The following IFI6 variants were observed in gnomAD, a reference collection of about 807,000 sequenced individuals.
IFI6 encodes the protein interferon alpha inducible protein 6, also known as interferon alpha-inducible protein 6.
In IFI6, 10 loss-of-function variants were observed where a neutral mutation model predicts 12.7. The observed-to-expected ratio is 0.79, with a 90% CI of 0.49 to 1.33. The LOEUF (loss-of-function observed/expected upper bound fraction) is 1.33. IFI6 is among the 40% of genes most tolerant of loss of function. The probability of loss-of-function intolerance (pLI) is 0.00; values close to 1 mark genes in which losing one functional copy is unlikely to be tolerated. For synonymous variants in IFI6, 89 were observed against 86.2 expected (o/e 1.03, Z -0.18); for missense variants, 154 against 180.4 (o/e 0.85, Z 0.84).
chr1:27,671,762 C>T (rs116774212), intron 1 of IFI6, among the ~76,000 whole-genome samples: 1,998 of 152,178 alleles, frequency 0.013, 18 homozygotes, highest in Non-Finnish European at 0.02. Flanking sequence ...CACATTGGAT[C>T]CTATAATAAA....
chr1:27,668,250 GC>G lies in IFI6; in HGVS notation c.273del (p.Leu92Ter), dbSNP rs753707584. The stretch of plus-strand genomic sequence containing the variant: ...CCGAGGCTCTGCAGCGTGGCCACTA[GC>G]CCCCCGGCGGGCACGCCGCCCCCAT... ...ILNGGGVPAGGLVATLQSLGA... is the reference protein window; with the variant it reads ...ILNGGGVPAGXLVATLQSLGA... On this transcript the variant is annotated frameshift_variant, in exon 4 of 5. Coordinates refer to ENST00000361157, the MANE Select transcript of IFI6 (RefSeq NM_002038.4). LOFTEE classifies it low-confidence loss of function (END_TRUNC). 3.2e-6 allele frequency: 5 copies of G among 1,571,746 alleles called. No homozygotes were observed. Among genetic ancestry groups the G allele is most frequent in the South Asian group, 1.2e-5 (1 of 86,820 alleles).
intron 1 of IFI6, chr1:27,670,453 A>AT (rs111781728): frequency 0.024 from 3,299 of 139,352 alleles, 69 homozygotes; most frequent in African/African-American, 0.058. Context: ...CGCCCAACTA[A>AT]TTTTTTTTTT....
chr1:27,668,863 ACTCT>A (rs1383215063), intron 2 of IFI6, among the ~76,000 whole-genome samples: 1 of 150,880 alleles, frequency 6.6e-6, no homozygotes, highest in East Asian at 1.9e-4. Flanking sequence ...GGACCCTGAA[ACTCT>A]CTCCTTTATC....
intron 1 of IFI6, chr1:27,670,015 A>G (rs915413242): frequency 1.3e-5 from 2 of 152,366 alleles, no homozygotes; most frequent in Admixed American, 6.5e-5. Flanking sequence ...CAAGCAAACA[A>G]TCAGTCCTCT....
rs1462390194 is a variant in IFI6, at chr1:27,668,364, C to A, written c.160G>T (p.Ala54Ser). ...GTGAAGCCCAGCGCGGGCAGCCCGGCGACTGCGAGTCCTGGAGGAACAGGA... is the reference window on the plus strand; with the variant it reads ...GTGAAGCCCAGCGCGGGCAGCCCGGAGACTGCGAGTCCTGGAGGAACAGGA... ...FMAVGGGLAV[A>S]GLPALGFTGA... The change falls in exon 4 of 5, where the codon GCC (alanine) becomes TCC (serine). Residue 54 changes from alanine (A) to serine (S), a missense_variant. Ala to Ser is a moderately conservative substitution (Grantham distance 99). Coordinates refer to ENST00000361157, the MANE Select transcript of IFI6 (RefSeq NM_002038.4). 3 of 1,567,030 alleles carry A rather than the reference C, an allele frequency of 1.9e-6. No individual in the cohort carries two copies. The highest frequency in any genetic ancestry group is 2.3e-5 in the South Asian group (2 of 85,946).
intron 2 of IFI6, among the ~76,000 whole-genome samples, 199 bp downstream of exon 2, chr1:27,669,046 T>C (rs112730044): frequency 0.023 from 37 of 1,616 alleles, no homozygotes; most frequent in South Asian, 0.062. Flanking sequence ...CTTACCTGCA[T>C]CCTTACCCGC....
At chr1:27,669,220 C>A (rs1243263851) in intron 2 of IFI6, 25 bp downstream of exon 2, 9 of 1,551,346 alleles carry the variant, frequency 5.8e-6, no homozygotes, top group African/African-American at 2.7e-5. Context: ...TGTCCCCTTA[C>A]CTGCATCCTT....
Position 27,668,235 on chromosome 1 carries a change from G to A in IFI6, c.289C>T (p.Gln97Ter), listed in dbSNP as rs1346164844. ...VPAGGLVATL[Q>*]SLGAGGSSVV... is the part of the protein sequence containing the mutation. ...CAGGCCCCGCACTCACCGAGGCTCT[G>A]CAGCGTGGCCACTAGCCCCCCGGCG... is the stretch of plus-strand genomic sequence containing the variant. The change falls in exon 4 of 5, where the codon CAG becomes TAG. Residue 97 changes from glutamine to a stop codon, truncating the protein, a stop_gained. Coordinates refer to ENST00000361157, the MANE Select transcript of IFI6 (RefSeq NM_002038.4). LOFTEE classifies it low-confidence loss of function (END_TRUNC). 1.9e-6 allele frequency: 3 copies of A among 1,558,658 alleles called. No homozygotes were observed. The highest frequency in any genetic ancestry group is 2.3e-5 in the East Asian group (1 of 43,234).
In IFI6 at chr1:27,666,203, T is replaced by C. The variant is rs1037628691; in HGVS notation, c.*178A>G. 1.2e-4 allele frequency: 56 copies of C among 454,750 alleles called. No individual in the cohort carries two copies. In the East Asian group the frequency reaches 1.5e-3, roughly 12 times the overall value. 28.2% of individuals were successfully genotyped at this position (454,750 alleles called of 1,614,324 possible). ...TTGAGACAGGAGGATCACTTGAGGC[T>C]AGGAGTTGGAGGCTGCAGTGTACTA... On this transcript the variant is annotated 3_prime_UTR_variant, in exon 5 of 5. Transcript: ENST00000361157.
rs200266638 is a variant in IFI6 at position 27,668,420 on chromosome 1, C to T, written c.148+38G>A. On this transcript the variant is annotated intron_variant, in intron 3 of 4. Transcript: ENST00000361157. ...TGAGGGAGCGTCCGCGGCAGAGGCC[C>T]GCCCCGCCTGCCCGAGATCCTCGCC... is the stretch of plus-strand genomic sequence containing the variant. The T allele has an allele frequency of 4.9e-4, 772 of 1,591,120 alleles. 5 individuals are homozygous for T. The East Asian group carries it at 0.01, about 21-fold the overall frequency.
At position 27,666,155 on chromosome 1, in the gene IFI6, T is replaced by C; in HGVS notation, c.*226A>G. On this transcript the variant is annotated 3_prime_UTR_variant, in exon 5 of 5. Transcript: ENST00000361157. ...CTGGATTCTGGGCATCGTCGGCGCA[T>C]GCTTGTAATCCTACTTGGGAGGTTG... 2.5e-6 allele frequency: 1 copy of C among 405,920 alleles called. No individual in the cohort carries two copies. The highest frequency in any genetic ancestry group is 4.4e-6 in the Non-Finnish European group (1 of 226,688). The allele number at this position is 405,920 out of a possible 1,614,324, so 25.1% of individuals were successfully genotyped here. A position where few individuals can be genotyped will look rare whatever the true frequency, so the allele number is the denominator to read the frequency against.
intron 4 of IFI6, 135 bp from the exon 5 acceptor site, chr1:27,666,610 A>G: frequency 2.0e-6 from 1 of 508,938 alleles, no homozygotes; most frequent in South Asian, 2.3e-5. Flanking sequence ...GGATGGCACT[A>G]CTACAAAGTG....
chr1:27,671,257 A>G (rs1421554799), intron 1 of IFI6, among the ~76,000 whole-genome samples: 1 of 152,212 alleles, frequency 6.6e-6, no homozygotes, highest in Non-Finnish European at 1.5e-5. Context: ...ATTGTTATCA[A>G]CCACATGTTA....
intron 1 of IFI6, 68 bp downstream of exon 1, chr1:27,672,055 A>G (rs2090408257): frequency 6.6e-6 from 1 of 152,286 alleles, no homozygotes; most frequent in Admixed American, 6.5e-5. Context: ...CATGAGATTT[A>G]CAGGCAGACA....
chr1:27,666,064 T>A lies in IFI6; in HGVS notation c.*317A>T, dbSNP rs2090348203. The A allele has an allele frequency of 4.4e-6, 1 of 226,228 alleles. No homozygotes were observed. The highest frequency in any genetic ancestry group is 5.2e-5 in the Admixed American group (1 of 19,284). 14.0% of individuals were successfully genotyped at this position (226,228 alleles called of 1,614,324 possible). ...AAACATGATTGACAGCAGGACAAAG[T>A]GTTTTCTGGGTGAAGTTTATTCTGT... is the stretch of plus-strand genomic sequence containing the variant. On this transcript the variant is annotated 3_prime_UTR_variant, in exon 5 of 5. Coordinates refer to ENST00000361157, the MANE Select transcript of IFI6 (RefSeq NM_002038.4).
intron 1 of IFI6, 104 bp downstream of exon 1, chr1:27,672,019 G>A (rs903966745): frequency 1.3e-5 from 2 of 152,226 alleles, no homozygotes; most frequent in African/African-American, 4.8e-5. Flanking sequence ...TGCCTCCCAG[G>A]AGAAGGGGCC....
Position 27,668,998 on chromosome 1 carries a change from TCCTTACCCGCATCCTTACCCGCAC to T in IFI6, c.70+223_70+246del, listed in dbSNP as rs1557756204. 3.5e-3 allele frequency among the ~76,000 whole-genome samples: 41 copies of T among 11,714 alleles called. 1 individual carries two copies. Among genetic ancestry groups the T allele is most frequent in the Admixed American group, 0.013 (6 of 470 alleles). The allele number at this position is 11,714 out of a possible 152,430, so 7.7% of individuals were successfully genotyped here. ...ATCCTTACCCACATCCTTACCTGCA[TCCTTACCCGCATCCTTACCCGCAC>T]CCTTACCTGCATCCTTACCTGCATC... is the stretch of plus-strand genomic sequence containing the variant. On this transcript the variant is annotated intron_variant, in intron 2 of 4. Transcript: ENST00000361157.
At chr1:27,667,124 G>A (rs1208213187) in intron 4 of IFI6, among the ~76,000 whole-genome samples, 2 of 151,184 alleles carry the variant, frequency 1.3e-5, no homozygotes, top group Non-Finnish European at 2.9e-5. Flanking sequence ...GTCACTCTGG[G>A]CCAGCACAGT....
intron 4 of IFI6, among the ~76,000 whole-genome samples, chr1:27,667,050 C>T (rs1442029592): frequency 1.3e-4 from 11 of 87,276 alleles, no homozygotes; most frequent in Non-Finnish European, 1.6e-4. Context: ...CCTCAGAGCG[C>T]GAGAGAGAGG....
Sources: allele counts gnomAD v4.1 joint callset (sites outside exome capture counted in the v4.1 genomes callset), GRCh38; gene constraint gnomAD v4.1.1; transcripts MANE v1.5; gene names NCBI Gene and HGNC (gene_info 2026-07-23, HGNC 2026-07-21).